The following MFSD12 variants were observed in gnomAD, a reference collection of about 807,000 sequenced individuals.
The protein encoded by MFSD12 is major facilitator superfamily domain containing 12, also known as major facilitator superfamily domain-containing protein 12.
MFSD12 carries 67 observed loss-of-function variants against 51.2 expected under a neutral mutation model. The observed-to-expected ratio is 1.31, with a 90% CI of 1.08 to 1.60. The LOEUF (loss-of-function observed/expected upper bound fraction) is 1.60, where lower values mean the gene tolerates loss of function less well. Ranked by LOEUF, MFSD12 falls within the 40% of genes most tolerant of loss-of-function variation. The pLI is 0.00. For synonymous variants in MFSD12, 441 were observed against 316.7 expected, an observed-to-expected ratio of 1.39 and a Z score of -4.17; for missense variants, 921 against 673.0, an observed-to-expected ratio of 1.37 and a Z score of -4.08.
downstream of MFSD12, among the ~76,000 whole-genome samples, chr19:3,540,585 AAATC>A (rs1268856357): frequency 6.6e-6 from 1 of 151,896 alleles, no homozygotes; most frequent in Non-Finnish European, 1.5e-5. Flanking sequence ...AAAAATTTAA[AAATC>A]AGCCAGGCAG....
chr19:3,538,727 T>C (rs1234911385), exon 5 of MFSD12: 4 of 478,434 alleles, frequency 8.4e-6, no homozygotes, highest in South Asian at 6.2e-5. Context: ...CAAATCGTGC[T>C]GCTGTGAGCC....
intron 8 of MFSD12, 49 bp downstream of exon 8, chr19:3,546,025 A>G (rs1361118166): frequency 1.9e-6 from 3 of 1,591,962 alleles, no homozygotes; most frequent in Non-Finnish European, 2.6e-6. Context: ...CAGGCGCTTA[A>G]TCCCCTCTTA....
downstream of MFSD12, chr19:3,543,297 G>A (rs778974323): frequency 5.2e-5 from 80 of 1,548,764 alleles, no homozygotes; most frequent in South Asian, 9.2e-4. Context: ...GCCACACGCT[G>A]GAAGTACACG....
intron 8 of MFSD12, 85 bp downstream of exon 8, chr19:3,545,989 G>T (rs1195361251): frequency 4.9e-6 from 7 of 1,437,562 alleles, no homozygotes; most frequent in South Asian, 1.2e-5. Flanking sequence ...TGGATGCCCA[G>T]ACCCAGAACA....
At chr19:3,542,813 G>T (rs368097607), downstream of MFSD12, 1 of 1,372,690 alleles carries the variant, frequency 7.3e-7, no homozygotes, top group Non-Finnish European at 9.7e-7. Flanking sequence ...CTGGGCCATG[G>T]CTTAGTGCCA....
chr19:3,557,496 C>T lies in MFSD12; in HGVS notation c.-93G>A. 5.1e-6 allele frequency: 4 copies of T among 780,532 alleles called. No individual in the cohort carries two copies. The highest frequency in any genetic ancestry group is 5.6e-5 in the East Asian group (1 of 17,924). 48.4% of individuals were successfully genotyped at this position (780,532 alleles called of 1,614,324 possible). A position where few individuals can be genotyped will look rare whatever the true frequency, so the allele number is the denominator to read the frequency against. On this transcript the variant is annotated 5_prime_UTR_variant, in exon 1 of 10. Coordinates refer to ENST00000355415, the MANE Select transcript of MFSD12 (RefSeq NM_174983.5). ...GTGCCGTGGGGGCAGGCGCCGGGGA[C>T]CCCCACCACGCGCCGGGCACCCCGC...
rs753619889 is a variant in MFSD12, at chr19:3,557,165, G to T, written c.239C>A (p.Ala80Asp). The T allele has an allele frequency of 1.1e-4, 164 of 1,531,760 alleles. No individual in the cohort carries two copies. The highest frequency in any genetic ancestry group is 1.3e-4 in the Non-Finnish European group (150 of 1,141,398). The allele number at this position is 1,531,760 out of a possible 1,614,324, so 94.9% of individuals were successfully genotyped here. ...GLCTPLVGYE[A>D]DRAASCCARY... ...GGCGCAGCAGCTGGCGGCGCGGTCG[G>T]CCTCGTAGCCCACGAGCGGTGTGCA... The change falls in exon 1 of 10, where the codon GCC becomes GAC. Residue 80 changes from alanine (A) to aspartate (D), a missense_variant. Ala to Asp is a moderately radical substitution (Grantham distance 126). Coordinates refer to ENST00000355415, the MANE Select transcript of MFSD12 (RefSeq NM_174983.5).
chr19:3,548,310 C>T (rs959974053), intron 2 of MFSD12, 43 bp from the exon 3 acceptor site: 1 of 1,541,070 alleles, frequency 6.5e-7, no homozygotes, highest in Non-Finnish European at 8.7e-7. Context: ...CGCCAGGAAC[C>T]TGGGTCACTT....
At chr19:3,544,157 AC>A (rs1191967421), downstream of MFSD12, 15 of 1,377,408 alleles carry the variant, frequency 1.1e-5, no homozygotes, top group Middle Eastern at 2.0e-4. Flanking sequence ...TGCCCAGGCT[AC>A]CCCTGCCCAG....
At chr19:3,542,971 A>C, downstream of MFSD12, 5 of 1,540,930 alleles carry the variant, frequency 3.2e-6, no homozygotes, top group East Asian at 7.9e-5. Flanking sequence ...TCTCCAGGCA[A>C]GAAAAGCTGA....
chr19:3,546,466 G>GC (rs1568255394), intron 6 of MFSD12, 41 bp from the exon 7 acceptor site: 1 of 1,559,016 alleles, frequency 6.4e-7, no homozygotes, highest in Non-Finnish European at 8.7e-7. Flanking sequence ...ACCACTGGGT[G>GC]CCCCCAAGCC....
At chr19:3,546,739 A>G (rs1162713811) in intron 6 of MFSD12, among the ~76,000 whole-genome samples, 1 of 152,222 alleles carries the variant, frequency 6.6e-6, no homozygotes, top group Non-Finnish European at 1.5e-5. Context: ...GTAGCTGCAC[A>G]GGGTGGACAG....
downstream of MFSD12, among the ~76,000 whole-genome samples, chr19:3,540,941 C>T (rs146862448): frequency 0.019 from 2,827 of 151,114 alleles, 82 homozygotes; most frequent in African/African-American, 0.059. Flanking sequence ...GAGGCCGAGG[C>T]GGGTGGATCA....
chr19:3,541,713 G>A, downstream of MFSD12: 3 of 985,284 alleles, frequency 3.0e-6, no homozygotes, highest in Non-Finnish European at 3.6e-6. Flanking sequence ...TGTACCACCT[G>A]CTCCTGGGAG....
chr19:3,539,583 C>T (rs2122065408), downstream of MFSD12: 1 of 333,094 alleles, frequency 3.0e-6, no homozygotes, highest in Non-Finnish European at 5.6e-6. Flanking sequence ...CCTTCTGTGG[C>T]TGAGAGAGTC....
intron 9 of MFSD12, 21 bp from the exon 10 acceptor site, chr19:3,544,753 TG>T (rs750442199): frequency 7.4e-7 from 1 of 1,351,428 alleles, no homozygotes; most frequent in Admixed American, 2.0e-5. Context: ...GGGGTGGAAA[TG>T]GCATTAGAGA....
In MFSD12 at chr19:3,548,269, T is replaced by TGGCGGGCA. The variant is rs762235813; in HGVS notation, c.510-10_510-3dup. The TGGCGGGCA allele has an allele frequency of 1.5e-5, 23 of 1,547,840 alleles. No homozygotes were observed. The highest frequency in any genetic ancestry group is 9.8e-5 in the Admixed American group (5 of 50,972). Reference sequence around the variant, plus strand: ...TTGGCCACCACGGTGAACGCATACCTGGCGGGCAGGCGGGCAGGGACTCAA... The same window carrying TGGCGGGCA: ...TTGGCCACCACGGTGAACGCATACCTGGCGGGCAGGCGGGCAGGCGGGCAGGGACTCAA... On this transcript the variant is annotated splice_polypyrimidine_tract_variant and splice_region_variant and intron_variant, in intron 2 of 9. Coordinates refer to ENST00000355415, the MANE Select transcript of MFSD12 (RefSeq NM_174983.5).
At chr19:3,541,682 G>A (rs964654236), downstream of MFSD12, 6 of 985,254 alleles carry the variant, frequency 6.1e-6, no homozygotes, top group African/African-American at 3.5e-5. Flanking sequence ...CCGCAAGTGT[G>A]TAATAACGGG....
downstream of MFSD12, chr19:3,542,399 A>G: frequency 1.0e-6 from 1 of 985,420 alleles, no homozygotes; most frequent in South Asian, 4.7e-5. Context: ...TGGGGCCAGC[A>G]ACCTTGTTTT....
Sources: gnomAD v4.1 joint callset for allele counts (sites outside exome capture counted in the v4.1 genomes callset) on GRCh38, gnomAD v4.1.1 for gene constraint, MANE v1.5 for transcripts, NCBI Gene and HGNC (gene_info 2026-07-23, HGNC 2026-07-21) for gene names.